Variants in ATG101 observed in about 807,000 individuals in gnomAD.
ATG101 encodes the protein autophagy-related protein 101.
ATG101 carries 6 observed loss-of-function variants against 16.7 expected under a neutral mutation model. The ratio of observed to expected loss-of-function variants is 0.36; its 90% CI spans 0.20 to 0.71. The LOEUF is 0.71. Ranked by LOEUF, ATG101 falls within the 30% of genes least tolerant of loss-of-function variation. The pLI is 0.57. For synonymous variants in ATG101, 108 were observed against 118.1 expected, an observed-to-expected ratio of 0.91 and a Z score of 0.56; for missense variants, 200 against 292.5, an observed-to-expected ratio of 0.68 and a Z score of 2.31.
chr12:52,072,409 A>G (rs1004510572), intron 2 of ATG101, among the ~76,000 whole-genome samples: 14 of 152,380 alleles, frequency 9.2e-5, no homozygotes, highest in African/African-American at 3.4e-4. Flanking sequence ...GCTTAAGGTC[A>G]TAGAGCAAGA....
intron 1 of ATG101, 34 bp from the exon 2 acceptor site, chr12:52,070,320 T>C (rs573217311): frequency 2.6e-5 from 4 of 152,506 alleles, no homozygotes; most frequent in Admixed American, 2.0e-4. Context: ...TCTCTTGATA[T>C]GGAGCCAAGT....
In ATG101 at chr12:52,070,477, A is replaced by G. The variant is rs1396392806; in HGVS notation, c.-83A>G. On this transcript the variant is annotated 5_prime_UTR_variant, in exon 2 of 4. Transcript: ENST00000336854. ...GAGGAATCCGTGCTCCAAACTCTAC[A>G]CTCAAGGTGGGAATGGGCGCACCCT... 2 of 152,538 alleles carry G rather than the reference A, an allele frequency of 1.3e-5. No homozygotes were observed. Among genetic ancestry groups the G allele is most frequent in the Non-Finnish European group, 2.9e-5 (2 of 68,202 alleles). The allele number at this position is 152,538 out of a possible 1,614,324, so 9.4% of individuals were successfully genotyped here. A position where few individuals can be genotyped will look rare whatever the true frequency, so the allele number is the denominator to read the frequency against.
At chr12:52,069,833 G>T (rs947386708), upstream of ATG101, 2 of 152,282 alleles carry the variant, frequency 1.3e-5, no homozygotes, top group Non-Finnish European at 2.9e-5. Context: ...AGAGAGCAAC[G>T]CATGACTATC....
In ATG101 at chr12:52,073,751, C is replaced by T. The variant is rs767623360; in HGVS notation, c.101C>T (p.Thr34Ile). ...CACACGGTGCTTCTGCACCGCAGCACAGGCAAGTTCCACTACAAGAAGGAG... is the reference window on the plus strand; with the variant it reads ...CACACGGTGCTTCTGCACCGCAGCATAGGCAAGTTCCACTACAAGAAGGAG... ...VLHTVLLHRSTGKFHYKKEGT... is the reference protein window; with the variant it reads ...VLHTVLLHRSIGKFHYKKEGT... Residue 34 changes from threonine (T) to isoleucine (I), a missense_variant, in exon 3 of 4, where the codon ACA becomes ATA. Coordinates refer to ENST00000336854, the MANE Select transcript of ATG101 (RefSeq NM_021934.5). 1 of 1,614,206 alleles carries T rather than the reference C, an allele frequency of 6.2e-7. No individual in the cohort carries two copies.
In ATG101 at chr12:52,077,214, C is replaced by T. The variant is rs754105963; in HGVS notation, c.*24C>T. Reference sequence around the variant, plus strand: ...GAGCGTCGCTGGATCTCTGGGAGCTCCTTGATGGCTCCCAGACCTTGGCTT... The same window carrying T: ...GAGCGTCGCTGGATCTCTGGGAGCTTCTTGATGGCTCCCAGACCTTGGCTT... On this transcript the variant is annotated 3_prime_UTR_variant, in exon 4 of 4. Coordinates refer to ENST00000336854, the MANE Select transcript of ATG101 (RefSeq NM_021934.5). The T allele has an allele frequency of 6.2e-7, 1 of 1,605,104 alleles. No individual in the cohort carries two copies. The highest frequency in any genetic ancestry group is 1.7e-5 in the Admixed American group (1 of 59,676).
intron 3 of ATG101, among the ~76,000 whole-genome samples, chr12:52,076,565 G>C (rs1304531772): frequency 6.6e-6 from 1 of 152,202 alleles, no homozygotes; most frequent in Admixed American, 6.5e-5. Flanking sequence ...AGTTGGGCTT[G>C]GAGACAGATT....
chr12:52,068,822 T>TA (rs947668868), upstream of ATG101, among the ~76,000 whole-genome samples: 12 of 150,038 alleles, frequency 8.0e-5, no homozygotes, highest in Admixed American at 3.3e-4. Context: ...CCGTCTCTAC[T>TA]AAAAAAAATA....
Position 52,073,866 on chromosome 12 carries a change from G to T in ATG101, c.216G>T (p.Leu72=), listed in dbSNP as rs970500135. 13 of 1,614,120 alleles carry T rather than the reference G, an allele frequency of 8.1e-6. No individual in the cohort carries two copies. The highest frequency in any genetic ancestry group is 1.7e-5 in the Admixed American group (1 of 60,012). Residue 72 remains leucine, a synonymous_variant, in exon 3 of 4, where the codon CTG becomes CTT. Transcript: ENST00000336854. ...FTYVRVSSEE[L]DRALRKVVGE... ...ATGTGCGTGTCTCTTCTGAGGAACT[G>T]GATCGTGCCCTGCGCAAGGTTGTTG...
At chr12:52,072,782 G>GT (rs942695300) in intron 2 of ATG101, among the ~76,000 whole-genome samples, 4 of 149,890 alleles carry the variant, frequency 2.7e-5, no homozygotes, top group African/African-American at 4.9e-5. Context: ...TTGTATTTTT[G>GT]TTTTTTTTGA....
chr12:52,067,177 T>C (rs1335515886), upstream of ATG101, among the ~76,000 whole-genome samples: 1 of 152,046 alleles, frequency 6.6e-6, no homozygotes, highest in East Asian at 1.9e-4. Flanking sequence ...AAGAACTGAA[T>C]GGGAGGGGGA....
In ATG101 at chr12:52,076,961, A is replaced by G. The variant is rs754871157; in HGVS notation, c.428A>G (p.Lys143Arg). ...CAGGAGCGGCAGATCTGCCGGGAGAAGGTGGGTGAGAAACTCTGCGAGAAG... is the reference window on the plus strand; with the variant it reads ...CAGGAGCGGCAGATCTGCCGGGAGAGGGTGGGTGAGAAACTCTGCGAGAAG... ...TEQERQICREKVGEKLCEKII... is the reference protein window; with the variant it reads ...TEQERQICRERVGEKLCEKII... The change falls in exon 4 of 4, where the codon AAG becomes AGG. Residue 143 changes from lysine to arginine, a missense_variant. By Grantham distance (26) the Lys-to-Arg change is conservative. Coordinates refer to ENST00000336854, the MANE Select transcript of ATG101 (RefSeq NM_021934.5). The G allele has an allele frequency of 1.9e-6, 3 of 1,614,212 alleles. No homozygotes were observed. The Admixed American group carries it at 5.0e-5, about 27-fold the overall frequency.
chr12:52,077,198 T>A lies in ATG101; in HGVS notation c.*8T>A. The A allele has an allele frequency of 6.2e-7, 1 of 1,609,258 alleles. No homozygotes were observed. Among genetic ancestry groups the A allele is most frequent in the Non-Finnish European group, 8.5e-7 (1 of 1,176,158 alleles). On this transcript the variant is annotated 3_prime_UTR_variant, in exon 4 of 4. Transcript: ENST00000336854. ...GACACCCTTGCCCTCTGAGCGTCGC[T>A]GGATCTCTGGGAGCTCCTTGATGGC...
chr12:52,070,199 A>T lies in ATG101; in HGVS notation c.-250A>T, dbSNP rs1299144269. 6.6e-6 allele frequency: 1 copy of T among 152,122 alleles called. No homozygotes were observed. Among genetic ancestry groups the T allele is most frequent in the Non-Finnish European group, 1.5e-5 (1 of 68,058 alleles). The allele number at this position is 152,122 out of a possible 1,614,324, so 9.4% of individuals were successfully genotyped here. On this transcript the variant is annotated 5_prime_UTR_variant, in exon 1 of 4. Coordinates refer to ENST00000336854, the MANE Select transcript of ATG101 (RefSeq NM_021934.5). ...CTGGGCGCGGGGCGCCGCCCCCGAG[A>T]CACCCGAGGAGTCCGTTCCTCCCTG...
chr12:52,075,484 C>T (rs1176041596), intron 3 of ATG101, among the ~76,000 whole-genome samples: 1 of 152,244 alleles, frequency 6.6e-6, no homozygotes, highest in Non-Finnish European at 1.5e-5. Flanking sequence ...GGAACAGAGC[C>T]TGGCACACAG....
intron 3 of ATG101, among the ~76,000 whole-genome samples, chr12:52,074,109 GGAGA>G (rs1466485532): frequency 6.6e-6 from 1 of 152,238 alleles, no homozygotes; most frequent in Non-Finnish European, 1.5e-5. Flanking sequence ...GGTGGGGGAG[GGAGA>G]GACTCATAAA....
rs138549900 is a variant in ATG101, at chr12:52,076,901, C to T, written c.368C>T (p.Thr123Met). ...GAGTGCATCCCATGGGAAGTGTGGA[C>T]GGTCAAGGTGCATGTGGTAGCCCTG... Reference protein sequence around the residue: ...SDECIPWEVWTVKVHVVALAT... With the variant: ...SDECIPWEVWMVKVHVVALAT... Residue 123 changes from threonine (T) to methionine (M), a missense_variant, in exon 4 of 4, where the codon ACG (threonine) becomes ATG (methionine). Coordinates refer to ENST00000336854, the MANE Select transcript of ATG101 (RefSeq NM_021934.5). The T allele has an allele frequency of 1.4e-5, 22 of 1,614,034 alleles. No individual in the cohort carries two copies. Among genetic ancestry groups the T allele is most frequent in the African/African-American group, 2.7e-5 (2 of 74,902 alleles).
rs368896921 is a variant in ATG101 at position 52,076,980 on chromosome 12, C to T, written c.447C>T (p.Cys149=). The T allele has an allele frequency of 1.7e-4, 280 of 1,614,146 alleles. No individual in the cohort carries two copies. The highest frequency in any genetic ancestry group is 3.3e-4 in the Admixed American group (20 of 60,024). The change falls in exon 4 of 4, where the codon TGC becomes TGT. Residue 149 remains cysteine (C), a synonymous_variant. Coordinates refer to ENST00000336854, the MANE Select transcript of ATG101 (RefSeq NM_021934.5). ...GGGAGAAGGTGGGTGAGAAACTCTG[C>T]GAGAAGATCATCAACATCGTGGAGG... ...ICREKVGEKL[C]EKIINIVEVM...
At chr12:52,073,984 G>T in intron 3 of ATG101, 82 bp downstream of exon 3, 2 of 1,553,194 alleles carry the variant, frequency 1.3e-6, no homozygotes, top group African/African-American at 1.4e-5. Context: ...ACTCCAGCTT[G>T]GTGTTGAACC....
upstream of ATG101, chr12:52,069,810 C>G (rs937420312): frequency 5.9e-5 from 9 of 152,268 alleles, no homozygotes; most frequent in Non-Finnish European, 2.9e-5. Context: ...ACGAAAGGAG[C>G]AGCCCCCAGA....
Sources: gnomAD v4.1 joint callset for allele counts (sites outside exome capture counted in the v4.1 genomes callset) on GRCh38, gnomAD v4.1.1 for gene constraint, MANE v1.5 for transcripts, NCBI Gene and HGNC (gene_info 2026-07-23, HGNC 2026-07-21) for gene names.